DGKZ: variants seen among roughly 807,000 people sequenced by gnomAD.
DGKZ encodes DAG kinase zeta.
A neutral mutation model predicts 142.5 loss-of-function variants in DGKZ; 45 were observed. That is an observed-to-expected ratio of 0.32 (90% CI 0.25 to 0.40). DGKZ has a LOEUF of 0.40. Among genes scored for constraint, DGKZ ranks in the 10% least tolerant of loss-of-function variants. The pLI, the probability that DGKZ is intolerant of heterozygous loss-of-function variation, is 1.00. For synonymous variants in DGKZ, 442 were observed against 527.0 expected (o/e 0.84, Z 2.21); for missense variants, 755 against 1,306.5 (o/e 0.58, Z 6.51).
At chr11:46,375,154 T>A in intron 19 of DGKZ, 109 bp downstream of exon 19, 1 of 1,073,588 alleles carries the variant, frequency 9.3e-7, no homozygotes. Context: ...CTCACCTCCC[T>A]TCTTTGTCTC....
rs749647970 is a variant in DGKZ at position 46,377,062 on chromosome 11, TC to T, written c.2203-5del. 6.2e-7 allele frequency: 1 copy of T among 1,605,872 alleles called. No individual in the cohort carries two copies. The highest frequency in any genetic ancestry group is 1.3e-5 in the African/African-American group (1 of 74,268). On this transcript the variant is annotated splice_polypyrimidine_tract_variant and intron_variant, in intron 24 of 30. Transcript: ENST00000527911. The stretch of plus-strand genomic sequence containing the variant: ...GGTGCCCTGACCTCCCGCCCTGACC[TC>T]CCCCCACAGGAGCACCTCAACTATG...
intron 1 of DGKZ, among the ~76,000 whole-genome samples, chr11:46,359,053 G>GTGAT (rs1942339711): frequency 6.6e-6 from 1 of 152,098 alleles, no homozygotes; most frequent in African/African-American, 2.4e-5. Context: ...TGAGGCAGGA[G>GTGAT]AATCACTTGA....
intron 5 of DGKZ, 60 bp downstream of exon 5, chr11:46,369,610 G>C: frequency 6.2e-7 from 1 of 1,601,672 alleles, no homozygotes; most frequent in Non-Finnish European, 8.5e-7. Context: ...GGGCCTCTGC[G>C]CAGTGCCTCT....
At chr11:46,359,770 A>ATTTTTTTTTTTTTTTTTTTTTTTTT (rs779825781) in intron 1 of DGKZ, among the ~76,000 whole-genome samples, 1 of 129,016 alleles carries the variant, frequency 7.8e-6, no homozygotes, top group Non-Finnish European at 1.6e-5. Flanking sequence ...TGCCCGGCTA[A>ATTTTTTTTTTTTTTTTTTTTTTTTT]TTTTTTTTTT....
At chr11:46,335,425 A>AAG (rs1554938932) in intron 1 of DGKZ, among the ~76,000 whole-genome samples, 141 of 142,434 alleles carry the variant, frequency 9.9e-4, no homozygotes, top group African/African-American at 4.0e-3. Context: ...GCACACGTGC[A>AAG]CGCACACACA....
chr11:46,365,419 C>G, intron 1 of DGKZ: 2 of 985,408 alleles, frequency 2.0e-6, no homozygotes, highest in Non-Finnish European at 2.4e-6. Context: ...ATCAGCACTT[C>G]AGACATACAG....
In DGKZ at chr11:46,372,364, C is replaced by T. The variant is rs1590600107; in HGVS notation, c.928-64C>T. The T allele has an allele frequency of 2.6e-6, 4 of 1,560,130 alleles. No individual in the cohort carries two copies. The highest frequency in any genetic ancestry group is 2.2e-5 in the East Asian group (1 of 44,598). ...TGGTTCCCACAGTCACACCCCTCTCCCTCTGCTGCTCCCACTTCGTCCCAC... is the reference window on the plus strand; with the variant it reads ...TGGTTCCCACAGTCACACCCCTCTCTCTCTGCTGCTCCCACTTCGTCCCAC... On this transcript the variant is annotated intron_variant, in intron 10 of 30. Coordinates refer to ENST00000527911, the Ensembl canonical transcript of DGKZ. The surrounding 1 kb of genome is among the most constrained non-coding windows in gnomAD (Gnocchi z 5.9).
At position 46,373,111 on chromosome 11, in the gene DGKZ, CCAGGGTTGGTGGGGGG is replaced by C. The variant is rs1310539448; in HGVS notation, c.1326+16_1326+31del. 1.4e-4 allele frequency: 210 copies of C among 1,541,192 alleles called. No individual in the cohort carries two copies. The East Asian group carries it at 5.1e-3, about 37-fold the overall frequency. On this transcript the variant is annotated intron_variant, in intron 14 of 30. Transcript: ENST00000527911. ...AGGCGCCACCGACCGGGTAAGTTGGCCAGGGTTGGTGGGGGGCAGGGCAGGTGACTGGGGACTGGAT... is the reference window on the plus strand; with the variant it reads ...AGGCGCCACCGACCGGGTAAGTTGGCCAGGGCAGGTGACTGGGGACTGGAT...
At chr11:46,333,164 C>T (rs1384234801) in exon 1 of DGKZ, 24 of 979,458 alleles carry the variant, frequency 2.5e-5, no homozygotes, top group East Asian at 3.6e-5. Flanking sequence ...CTGCGGAACC[C>T]GGCGCTCCCC....
intron 1 of DGKZ, chr11:46,333,577 G>T (rs1939871063): frequency 5.7e-6 from 7 of 1,229,622 alleles, no homozygotes; most frequent in Non-Finnish European, 8.0e-6. Context: ...TGCGCCCGCC[G>T]CCTGCCTGGC....
chr11:46,355,133 CAG>C (rs572645955), intron 1 of DGKZ, among the ~76,000 whole-genome samples: 195 of 152,042 alleles, frequency 1.3e-3, no homozygotes, highest in Non-Finnish European at 2.4e-3. Flanking sequence ...TTTTTTGAGA[CAG>C]AGTCTCACTC....
chr11:46,363,479 C>T (rs896580125), intron 1 of DGKZ, among the ~76,000 whole-genome samples: 1 of 152,190 alleles, frequency 6.6e-6, no homozygotes, highest in South Asian at 2.1e-4. Context: ...CATCATCGGC[C>T]GCCGAGGAGA....
At chr11:46,357,602 A>G (rs1942181108) in intron 1 of DGKZ, among the ~76,000 whole-genome samples, 2 of 152,224 alleles carry the variant, frequency 1.3e-5, no homozygotes, top group Non-Finnish European at 2.9e-5. Context: ...TCCTGCACTG[A>G]TCAGCAGTAA....
At position 46,376,681 on chromosome 11, in the gene DGKZ, G is replaced by C. The variant is rs559812495; in HGVS notation, c.2202+117G>C. 6.8e-5 allele frequency: 93 copies of C among 1,372,874 alleles called. No individual in the cohort carries two copies. The Middle Eastern group carries it at 1.3e-3, about 19-fold the overall frequency. The allele number at this position is 1,372,874 out of a possible 1,614,324, so 85.0% of individuals were successfully genotyped here. ...GGCTCACCTCTGTCCTCATGCCTCT[G>C]AGAGCTTTTACTATTGCCTGTGTGC... On this transcript the variant is annotated intron_variant, in intron 24 of 30. Transcript: ENST00000527911.
chr11:46,367,358 A>G lies in DGKZ; in HGVS notation c.229A>G (p.Ser77Gly), dbSNP rs1222140271. 9.3e-6 allele frequency: 15 copies of G among 1,613,056 alleles called. No homozygotes were observed. The highest frequency in any genetic ancestry group is 1.3e-5 in the African/African-American group (1 of 74,924). Residue 77 changes from serine (S) to glycine (G), a missense_variant, in exon 2 of 31, where the codon AGC becomes GGC. This residue lies in a region of DGKZ where 81 missense variants were observed against 86.5 expected (regional missense o/e 0.94). Transcript: ENST00000527911. The surrounding 1 kb of genome is among the most constrained non-coding windows in gnomAD (Gnocchi z 4.1). ...TCCGCCCACCCCTGGGGCCCCGTGC[A>G]GCGAGTCAGAGCGGCAGATCCGGAG...
chr11:46,365,762 C>G, intron 1 of DGKZ: 1 of 985,412 alleles, frequency 1.0e-6, no homozygotes, highest in Non-Finnish European at 1.2e-6. Context: ...ATGTTGGTGG[C>G]AAAACAAAGG....
At position 46,378,972 on chromosome 11, in the gene DGKZ, C is replaced by A. The variant is rs1438725878; in HGVS notation, c.2419-19C>A. 1.3e-6 allele frequency: 2 copies of A among 1,520,520 alleles called. No homozygotes were observed. The highest frequency in any genetic ancestry group is 1.7e-6 in the Non-Finnish European group (2 of 1,143,486). The allele number at this position is 1,520,520 out of a possible 1,614,324, so 94.2% of individuals were successfully genotyped here. On this transcript the variant is annotated intron_variant, in intron 27 of 30. Coordinates refer to ENST00000527911, the Ensembl canonical transcript of DGKZ. ...GGTGGCCCCAGGAGGTCCAGCCCTG[C>A]CATGCCTCCTGCCCTCAGCTCCAGG... is the stretch of plus-strand genomic sequence containing the variant.
chr11:46,350,651 C>A (rs1293239432), intron 1 of DGKZ, among the ~76,000 whole-genome samples: 1 of 152,144 alleles, frequency 6.6e-6, no homozygotes, highest in African/African-American at 2.4e-5. Context: ...GTTCCATGAA[C>A]AATTAGCAGT....
chr11:46,352,184 G>A (rs113906636), intron 1 of DGKZ, among the ~76,000 whole-genome samples: 4 of 152,310 alleles, frequency 2.6e-5, no homozygotes, highest in South Asian at 4.1e-4. Flanking sequence ...CTTAGGCCGC[G>A]CGGGCCCCTC....
Sources: allele counts gnomAD v4.1 joint callset (sites outside exome capture counted in the v4.1 genomes callset), GRCh38; gene constraint gnomAD v4.1.1; regional missense constraint gnomAD v4.1.1; non-coding constraint Gnocchi (gnomAD v3.1); transcripts MANE v1.5; gene names NCBI Gene and HGNC (gene_info 2026-07-23, HGNC 2026-07-21).